The following PTPRD variants were observed in gnomAD, a reference collection of about 807,000 sequenced individuals.
The protein encoded by PTPRD is protein tyrosine phosphatase receptor type D.
Under a neutral mutation model 214.5 loss-of-function variants are expected in PTPRD, and 34 were observed. The ratio of observed to expected loss-of-function variants is 0.16; its 90% CI spans 0.12 to 0.21. The LOEUF is 0.21. PTPRD is among the 10% of genes least tolerant of loss of function. The probability of loss-of-function intolerance (pLI) is 1.00; values close to 1 mark genes in which losing one functional copy is unlikely to be tolerated. For missense variants in PTPRD, 2,545 were observed against 2,398.7 expected (o/e 1.06, Z -1.27); for synonymous variants, 1,128 against 845.7 (o/e 1.33, Z -5.79).
At chr9:10,484,781 T>A (rs1367314257) in intron 2 of PTPRD, among the ~76,000 whole-genome samples, 4 of 152,116 alleles carry the variant, frequency 2.6e-5, no homozygotes, top group African/African-American at 9.6e-5. Flanking sequence ...CCTTGTAAGA[T>A]GTGTAGTTTG....
In PTPRD at chr9:8,934,466, T is replaced by TATATATATAA. The variant is rs1567099314; in HGVS notation, c.-104+84230_-104+84231insTTATATATAT. On this transcript the variant is annotated intron_variant, in intron 11 of 45. Coordinates refer to ENST00000381196, the MANE Select transcript of PTPRD (RefSeq NM_002839.4). ...ATATATAAATTTATATATATATAAA[T>TATATATATAA]ATATATATATAAATATATATATATA... Among the ~76,000 whole-genome samples the TATATATATAA allele has an allele frequency of 7.8e-3, 204 of 26,110 alleles. 8 individuals carry two copies. The highest frequency in any genetic ancestry group is 0.034 in the African/African-American group (113 of 3,318). The allele number at this position is 26,110 out of a possible 152,430, so 17.1% of individuals were successfully genotyped here.
intron 3 of PTPRD, among the ~76,000 whole-genome samples, chr9:10,120,642 T>C (rs1591663344): frequency 6.7e-6 from 1 of 149,480 alleles, no homozygotes. Context: ...TATAGTTCTA[T>C]ACATCCATCA....
chr9:9,400,723 T>G (rs1035574542), intron 8 of PTPRD, among the ~76,000 whole-genome samples: 12 of 152,068 alleles, frequency 7.9e-5, no homozygotes, highest in Non-Finnish European at 1.8e-4. Flanking sequence ...TTTGGAGCTT[T>G]TGCTTTGACT....
chr9:9,754,971 G>A lies in PTPRD; in HGVS notation c.-326+11839C>T, dbSNP rs374690572. ...GACTTTAAGGACTTGAAAGCTTCCA[G>A]TGTTTATCAAAGGATAATTTGCGAA... On this transcript the variant is annotated intron_variant, in intron 6 of 45. Transcript: ENST00000381196. Among the ~76,000 whole-genome samples, 442 of 152,116 alleles carry A rather than the reference G, an allele frequency of 2.9e-3. 2 individuals are homozygous for A. Among genetic ancestry groups the A allele is most frequent in the African/African-American group, 0.01 (419 of 41,532 alleles).
At chr9:9,177,763 A>C (rs183831896) in intron 10 of PTPRD, among the ~76,000 whole-genome samples, 2 of 152,154 alleles carry the variant, frequency 1.3e-5, no homozygotes, top group African/African-American at 4.8e-5. Flanking sequence ...GCCGCTATTT[A>C]TAGTAGTCCC....
At chr9:9,787,246 A>C (rs968836563) in intron 5 of PTPRD, among the ~76,000 whole-genome samples, 1 of 152,032 alleles carries the variant, frequency 6.6e-6, no homozygotes, top group East Asian at 1.9e-4. Context: ...ACAGTACTAC[A>C]CAACAGTGAC....
At chr9:9,123,132 G>T (rs1036222822) in intron 10 of PTPRD, among the ~76,000 whole-genome samples, 1 of 152,172 alleles carries the variant, frequency 6.6e-6, no homozygotes, top group Non-Finnish European at 1.5e-5. Flanking sequence ...TGGTGGAAAA[G>T]TGTCTGCCAT....
chr9:10,492,126 G>A (rs2040491563), intron 2 of PTPRD, among the ~76,000 whole-genome samples: 1 of 152,218 alleles, frequency 6.6e-6, no homozygotes, highest in Admixed American at 6.5e-5. Context: ...ATGGGCATTT[G>A]GGTTGATTCC....
At chr9:9,471,749 G>C (rs1425451212) in intron 8 of PTPRD, among the ~76,000 whole-genome samples, 1 of 147,712 alleles carries the variant, frequency 6.8e-6, no homozygotes, top group Non-Finnish European at 1.5e-5. Flanking sequence ...CAAACTTTTA[G>C]GCTAATTAGA....
At chr9:9,945,745 A>G (rs1039939762) in intron 4 of PTPRD, among the ~76,000 whole-genome samples, 2 of 152,138 alleles carry the variant, frequency 1.3e-5, no homozygotes, top group African/African-American at 4.8e-5. Flanking sequence ...AACACTTCTG[A>G]AAGTCAACCA....
intron 9 of PTPRD, among the ~76,000 whole-genome samples, chr9:9,217,007 A>C (rs1465774725): frequency 6.6e-6 from 1 of 152,092 alleles, no homozygotes; most frequent in East Asian, 1.9e-4. Flanking sequence ...AGGGCAAAAA[A>C]ATTCAAAGAA....
At chr9:9,200,414 T>TC (rs2099941185) in intron 9 of PTPRD, among the ~76,000 whole-genome samples, 1 of 152,236 alleles carries the variant, frequency 6.6e-6, no homozygotes, top group Non-Finnish European at 1.5e-5. Context: ...ATCTGAATCA[T>TC]GTAGGTATTA....
At chr9:9,088,051 T>C (rs546840133) in intron 10 of PTPRD, among the ~76,000 whole-genome samples, 1 of 151,594 alleles carries the variant, frequency 6.6e-6, no homozygotes, top group South Asian at 2.1e-4. Context: ...CTGGCTGATT[T>C]TTGTATTTTT....
chr9:9,104,516 T>A (rs1052206842), intron 10 of PTPRD, among the ~76,000 whole-genome samples: 1 of 152,146 alleles, frequency 6.6e-6, no homozygotes, highest in African/African-American at 2.4e-5. Flanking sequence ...GGTAATCAAA[T>A]TTGCAAAACC....
intron 8 of PTPRD, among the ~76,000 whole-genome samples, chr9:9,405,083 A>G (rs2072743722): frequency 6.6e-6 from 1 of 152,030 alleles, no homozygotes; most frequent in Non-Finnish European, 1.5e-5. Flanking sequence ...TCCAGACACT[A>G]AGCATTTCTT....
At chr9:8,523,547 T>G (rs759322835) in intron 18 of PTPRD, 23 bp from the exon 19 acceptor site, 1 of 1,612,714 alleles carries the variant, frequency 6.2e-7, no homozygotes, top group South Asian at 1.1e-5. Context: ...GGGGGTTTGA[T>G]GCAGAACACA....
chr9:10,028,457 C>T (rs548851604), intron 4 of PTPRD, among the ~76,000 whole-genome samples: 1 of 151,940 alleles, frequency 6.6e-6, no homozygotes, highest in Admixed American at 6.5e-5. Flanking sequence ...CAGAAGAAGA[C>T]AAGAAAATGT....
At chr9:8,792,018 G>A (rs1013570393) in intron 11 of PTPRD, among the ~76,000 whole-genome samples, 13 of 152,110 alleles carry the variant, frequency 8.5e-5, no homozygotes, top group Admixed American at 1.3e-4. Flanking sequence ...AATTATGAGG[G>A]AATGTGTGAA....
At chr9:8,683,293 G>A (rs1272594381) in intron 12 of PTPRD, among the ~76,000 whole-genome samples, 5 of 151,508 alleles carry the variant, frequency 3.3e-5, no homozygotes, top group African/African-American at 1.2e-4. Flanking sequence ...AAAACATAGG[G>A]AGAATATAAG....
Sources: allele counts gnomAD v4.1 joint callset (sites outside exome capture counted in the v4.1 genomes callset), GRCh38; gene constraint gnomAD v4.1.1; transcripts MANE v1.5; gene names NCBI Gene and HGNC (gene_info 2026-07-23, HGNC 2026-07-21).